ANK3: variants seen among roughly 807,000 people sequenced by gnomAD.
ANK3 encodes the protein ankyrin-3.
Under a neutral mutation model 370.9 loss-of-function variants are expected in ANK3, and 57 were observed. That is an observed-to-expected ratio of 0.15 (90% CI 0.12 to 0.19). The LOEUF (loss-of-function observed/expected upper bound fraction) is 0.19, where lower values mean the gene tolerates loss of function less well. Among genes scored for constraint, ANK3 ranks in the 10% least tolerant of loss-of-function variants. The pLI is 1.00. For synonymous variants in ANK3, 1,929 were observed against 1,946.3 expected (o/e 0.99, Z 0.23); for missense variants, 4,439 against 5,302.1 (o/e 0.84, Z 5.06).
At chr10:60,443,214 T>G (rs765872281) in intron 2 of ANK3, among the ~76,000 whole-genome samples, 1 of 151,942 alleles carries the variant, frequency 6.6e-6, no homozygotes, top group Admixed American at 6.6e-5. Context: ...GTACTATAGG[T>G]GAGGAAAGAG....
chr10:60,346,936 T>C (rs2055667032), intron 1 of ANK3, among the ~76,000 whole-genome samples: 1 of 134,504 alleles, frequency 7.4e-6, no homozygotes, highest in Non-Finnish European at 1.6e-5. Context: ...CTATCTTTTA[T>C]TGTTTCCTAA....
chr10:60,690,933 C>T (rs1046711733), intron 1 of ANK3, among the ~76,000 whole-genome samples: 2 of 152,236 alleles, frequency 1.3e-5, no homozygotes, highest in Non-Finnish European at 2.9e-5. Context: ...TGGGCTATCA[C>T]ACAACCTGTA....
chr10:60,692,300 CTTG>C (rs1169959769), intron 1 of ANK3, among the ~76,000 whole-genome samples: 1 of 152,198 alleles, frequency 6.6e-6, no homozygotes, highest in Non-Finnish European at 1.5e-5. Context: ...TGCTGTACAT[CTTG>C]TTGTTAGACA....
chr10:60,714,677 A>G (rs954270955), intron 1 of ANK3, among the ~76,000 whole-genome samples: 4 of 152,196 alleles, frequency 2.6e-5, no homozygotes, highest in African/African-American at 9.7e-5. Context: ...ATGCTTAATC[A>G]TAATAAAAAT....
At chr10:60,411,067 G>A (rs998127118) in intron 2 of ANK3, among the ~76,000 whole-genome samples, 1 of 152,138 alleles carries the variant, frequency 6.6e-6, no homozygotes, top group African/African-American at 2.4e-5. Flanking sequence ...CCAAGGAACT[G>A]GTGGATAATG....
intron 32 of ANK3, 39 bp downstream of exon 32, chr10:60,084,563 G>C (rs1202605747): frequency 6.6e-7 from 1 of 1,504,920 alleles, no homozygotes; most frequent in African/African-American, 1.4e-5. Flanking sequence ...CATATCTGGA[G>C]TACGTAATGA....
chr10:60,082,178 T>C lies in ANK3; in HGVS notation c.4324-2A>G. The stretch of plus-strand genomic sequence containing the variant: ...ATCATCTTGATCTGACTCTGTCTCC[T>C]TTTGGTTCCAAGATGCATTGCAGAG... On this transcript the variant is annotated splice_acceptor_variant, in intron 34 of 43. Transcript: ENST00000280772. LOFTEE classifies it high-confidence loss of function. 6.2e-7 allele frequency: 1 copy of C among 1,608,988 alleles called. No individual in the cohort carries two copies. The highest frequency in any genetic ancestry group is 8.5e-7 in the Non-Finnish European group (1 of 1,176,856).
In ANK3 at chr10:60,325,327, CT is replaced by C. The variant is rs200749109; in HGVS notation, c.115-45689del. Among the ~76,000 whole-genome samples the C allele has an allele frequency of 5.5e-3, 835 of 152,322 alleles. 5 individuals are homozygous for C. The highest frequency in any genetic ancestry group is 0.013 in the South Asian group (64 of 4,828). ...CTGTGCCTGTGAGAAGATTACATCT[CT>C]CTGCAGTTAGCAGGAGACAAATGTC... On this transcript the variant is annotated intron_variant, in intron 1 of 43. Coordinates refer to ENST00000280772, the MANE Select transcript of ANK3 (RefSeq NM_020987.5).
chr10:60,474,830 A>G (rs968010111), intron 2 of ANK3, among the ~76,000 whole-genome samples: 12 of 152,188 alleles, frequency 7.9e-5, no homozygotes, highest in Non-Finnish European at 1.3e-4. Flanking sequence ...AGTATAGAAG[A>G]ATATATACTA....
chr10:60,425,382 A>C (rs2063863128), intron 2 of ANK3, among the ~76,000 whole-genome samples: 1 of 152,154 alleles, frequency 6.6e-6, no homozygotes, highest in African/African-American at 2.4e-5. Context: ...ATTCGGAAGA[A>C]ATATTGGAAT....
At chr10:60,637,526 ACCT>A (rs1428498002) in intron 1 of ANK3, among the ~76,000 whole-genome samples, 1 of 152,204 alleles carries the variant, frequency 6.6e-6, no homozygotes, top group East Asian at 1.9e-4. Flanking sequence ...TAATAATTCC[ACCT>A]TAAGACATAT....
chr10:60,403,923 C>T (rs1025976371), intron 2 of ANK3, among the ~76,000 whole-genome samples: 9 of 152,002 alleles, frequency 5.9e-5, no homozygotes, highest in East Asian at 1.9e-4. Flanking sequence ...GATCAACATA[C>T]AGAAATCAGC....
intron 11 of ANK3, among the ~76,000 whole-genome samples, chr10:60,205,103 G>C (rs1051912463): frequency 5.9e-5 from 9 of 152,126 alleles, no homozygotes; most frequent in Admixed American, 3.9e-4. Context: ...TAGGTGTCAG[G>C]CTTGGTTTGC....
At chr10:60,231,060 C>G (rs182842863) in intron 8 of ANK3, among the ~76,000 whole-genome samples, 1 of 152,104 alleles carries the variant, frequency 6.6e-6, no homozygotes, top group African/African-American at 2.4e-5. Flanking sequence ...TCTTCAGGAA[C>G]AACTTTCTAT....
intron 7 of ANK3, among the ~76,000 whole-genome samples, chr10:60,241,176 A>AT (rs57642274): frequency 8.6e-4 from 130 of 151,170 alleles, no homozygotes; most frequent in African/African-American, 2.7e-3. Context: ...AAATATGATG[A>AT]TTTTTTTTCC....
chr10:60,141,049 C>T (rs2094536121), intron 23 of ANK3: 3 of 984,484 alleles, frequency 3.0e-6, no homozygotes, highest in Non-Finnish European at 3.6e-6. Context: ...ATTTATGGTC[C>T]CTGTCAGGTG....
chr10:60,281,631 G>GT (rs955493234), intron 1 of ANK3, among the ~76,000 whole-genome samples: 6 of 152,174 alleles, frequency 3.9e-5, no homozygotes, highest in Admixed American at 3.9e-4. Flanking sequence ...GTGCCTGTAA[G>GT]TTTTTTGTGA....
intron 1 of ANK3, among the ~76,000 whole-genome samples, chr10:60,722,761 T>C (rs1052212814): frequency 2.0e-5 from 3 of 152,012 alleles, no homozygotes; most frequent in African/African-American, 7.3e-5. Context: ...ACTCAGTGAG[T>C]TCATGGGAGA....
chr10:60,336,514 T>C (rs969496804), intron 1 of ANK3, among the ~76,000 whole-genome samples: 2 of 152,106 alleles, frequency 1.3e-5, no homozygotes, highest in Non-Finnish European at 2.9e-5. Context: ...AAAAGCACAA[T>C]GCCAAAATGG....
Sources: gnomAD v4.1 joint callset for allele counts (sites outside exome capture counted in the v4.1 genomes callset) on GRCh38, gnomAD v4.1.1 for gene constraint, MANE v1.5 for transcripts, NCBI Gene and HGNC (gene_info 2026-07-23, HGNC 2026-07-21) for gene names.